Variants in LHFPL6 observed in about 807,000 individuals in gnomAD.
The protein encoded by LHFPL6 is LHFPL tetraspan subfamily member 6.
Under a neutral mutation model 20.6 loss-of-function variants are expected in LHFPL6, and 9 were observed. The observed-to-expected ratio is 0.44, with a 90% CI of 0.26 to 0.76. The LOEUF is 0.76. Ranked by LOEUF, LHFPL6 falls within the 30% of genes least tolerant of loss-of-function variation. The probability of loss-of-function intolerance (pLI) is 0.20; values close to 1 mark genes in which losing one functional copy is unlikely to be tolerated. For synonymous variants in LHFPL6, 105 were observed against 98.7 expected, an observed-to-expected ratio of 1.06 and a Z score of -0.38; for missense variants, 218 against 253.5, an observed-to-expected ratio of 0.86 and a Z score of 0.95.
At chr13:39,454,206 G>T (rs1872516186) in intron 2 of LHFPL6, among the ~76,000 whole-genome samples, 1 of 152,176 alleles carries the variant, frequency 6.6e-6, no homozygotes, top group Non-Finnish European at 1.5e-5. Flanking sequence ...CTATAGGACA[G>T]GTTAATAATC....
At chr13:39,405,571 C>T (rs1380656848) in intron 2 of LHFPL6, among the ~76,000 whole-genome samples, 1 of 152,192 alleles carries the variant, frequency 6.6e-6, no homozygotes, top group Non-Finnish European at 1.5e-5. Context: ...GGGCTGTCTC[C>T]ACAAACTACC....
intron 2 of LHFPL6, among the ~76,000 whole-genome samples, chr13:39,405,052 A>C (rs962366395): frequency 6.6e-6 from 1 of 152,224 alleles, no homozygotes; most frequent in Non-Finnish European, 1.5e-5. Flanking sequence ...TAATTAATGC[A>C]TATGTAACAT....
intron 2 of LHFPL6, among the ~76,000 whole-genome samples, chr13:39,562,373 T>TAC (rs1397717836): frequency 5.8e-5 from 7 of 120,772 alleles, no homozygotes; most frequent in Non-Finnish European, 1.1e-4. Flanking sequence ...TATACATATA[T>TAC]ACATATATAC....
intron 2 of LHFPL6, among the ~76,000 whole-genome samples, chr13:39,467,952 GC>G (rs1364026313): frequency 5.9e-5 from 9 of 152,144 alleles, no homozygotes; most frequent in Non-Finnish European, 5.9e-5. Flanking sequence ...AAGTTTGTGT[GC>G]CTTTTCTATT....
At chr13:39,517,232 T>C (rs1869954912) in intron 2 of LHFPL6, among the ~76,000 whole-genome samples, 1 of 152,046 alleles carries the variant, frequency 6.6e-6, no homozygotes, top group South Asian at 2.1e-4. Context: ...AATTTGCTGA[T>C]TGGAAAGAAA....
intron 2 of LHFPL6, among the ~76,000 whole-genome samples, chr13:39,573,618 C>T (rs1010576111): frequency 7.2e-5 from 11 of 151,976 alleles, no homozygotes; most frequent in African/African-American, 1.9e-4. Flanking sequence ...AAAATACTTT[C>T]GGTTTAACAT....
chr13:39,480,093 C>A (rs1426195011), intron 2 of LHFPL6, among the ~76,000 whole-genome samples: 1 of 152,176 alleles, frequency 6.6e-6, no homozygotes, highest in Non-Finnish European at 1.5e-5. Context: ...CATAACACCA[C>A]AAGCATGAAT....
intron 2 of LHFPL6, among the ~76,000 whole-genome samples, chr13:39,485,188 C>T (rs1271071757): frequency 6.6e-6 from 1 of 152,108 alleles, no homozygotes; most frequent in African/African-American, 2.4e-5. Flanking sequence ...CGGGAAAAAT[C>T]ATGCTGCATA....
In LHFPL6 at chr13:39,581,671, C is replaced by T. The variant is rs1872292204; in HGVS notation, c.385+19161G>A. ...CAAGGTATCTTTTGTTAATGAACAT[C>T]ATAATTGTTTTCCTACTTTGATTTT... On this transcript the variant is annotated intron_variant, in intron 2 of 3. Coordinates refer to ENST00000379589, the MANE Select transcript of LHFPL6 (RefSeq NM_005780.3). Among the ~76,000 whole-genome samples the T allele has an allele frequency of 4.0e-5, 6 of 150,480 alleles. No individual in the cohort carries two copies. In the South Asian group the frequency reaches 1.3e-3, roughly 31 times the overall value.
intron 3 of LHFPL6, among the ~76,000 whole-genome samples, chr13:39,344,528 A>C (rs1869338218): frequency 6.6e-6 from 1 of 152,220 alleles, no homozygotes. Context: ...TTTATGTGGA[A>C]TGGTCAAGTG....
chr13:39,410,903 A>T (rs781263753), intron 2 of LHFPL6, among the ~76,000 whole-genome samples: 13 of 152,224 alleles, frequency 8.5e-5, no homozygotes, highest in Non-Finnish European at 1.9e-4. Flanking sequence ...CTGATCACAC[A>T]ACTGCTTGGC....
At chr13:39,367,821 C>T (rs574093271) in intron 3 of LHFPL6, among the ~76,000 whole-genome samples, 2 of 152,182 alleles carry the variant, frequency 1.3e-5, no homozygotes, top group East Asian at 3.8e-4. Flanking sequence ...GGTCTGGAGA[C>T]CTTAAGTTAA....
intron 2 of LHFPL6, among the ~76,000 whole-genome samples, chr13:39,527,421 G>A (rs1870324899): frequency 6.6e-6 from 1 of 151,908 alleles, no homozygotes; most frequent in Non-Finnish European, 1.5e-5. Context: ...ACAGACAGCT[G>A]CAGTTGGAGC....
rs78447543 is a variant in LHFPL6 at position 39,379,597 on chromosome 13, C to T, written c.386-1071G>A. On this transcript the variant is annotated intron_variant, in intron 2 of 3. Coordinates refer to ENST00000379589, the MANE Select transcript of LHFPL6 (RefSeq NM_005780.3). The stretch of plus-strand genomic sequence containing the variant: ...AAGTCCCTTCCGGGCCGTCTTTTGT[C>T]TTTTTCCTCCCTACCCCAGTCAGTC... Among the ~76,000 whole-genome samples the T allele has an allele frequency of 3.2e-4, 48 of 152,300 alleles. No homozygotes were observed. The East Asian group carries it at 7.7e-3, about 24-fold the overall frequency.
intron 2 of LHFPL6, among the ~76,000 whole-genome samples, chr13:39,579,212 A>T (rs1037401374): frequency 1.3e-5 from 2 of 152,192 alleles, no homozygotes; most frequent in Non-Finnish European, 2.9e-5. Flanking sequence ...GAGGCTGCAT[A>T]GGAGTGAGGC....
chr13:39,345,324 C>T (rs905871099), intron 3 of LHFPL6, among the ~76,000 whole-genome samples: 1 of 151,694 alleles, frequency 6.6e-6, no homozygotes, highest in Non-Finnish European at 1.5e-5. Context: ...ACCAGCCTGA[C>T]CAACATGGCA....
At chr13:39,359,054 C>T (rs1051424803) in intron 3 of LHFPL6, among the ~76,000 whole-genome samples, 5 of 151,994 alleles carry the variant, frequency 3.3e-5, no homozygotes, top group East Asian at 1.9e-4. Context: ...CCCAGCTACT[C>T]GGGAGGCTGA....
intron 2 of LHFPL6, among the ~76,000 whole-genome samples, chr13:39,588,714 A>T (rs1049475712): frequency 1.3e-5 from 2 of 152,228 alleles, no homozygotes; most frequent in Non-Finnish European, 2.9e-5. Context: ...AAATATTCCC[A>T]TGAGGTACAG....
At chr13:39,572,288 C>CTCTGTG (rs1441566883) in intron 2 of LHFPL6, among the ~76,000 whole-genome samples, 17 of 143,508 alleles carry the variant, frequency 1.2e-4, no homozygotes, top group East Asian at 8.4e-4. Context: ...TTTTTAAACT[C>CTCTGTG]TGTGTGTGTG....
Sources: gnomAD v4.1 joint callset for allele counts (sites outside exome capture counted in the v4.1 genomes callset) on GRCh38, gnomAD v4.1.1 for gene constraint, MANE v1.5 for transcripts, NCBI Gene and HGNC (gene_info 2026-07-23, HGNC 2026-07-21) for gene names.